The following RNF180 variants were observed in gnomAD, a reference collection of about 807,000 sequenced individuals.
The protein encoded by RNF180 is E3 ubiquitin-protein ligase RNF180.
In RNF180, 38 loss-of-function variants were observed where a neutral mutation model predicts 59.2. The ratio of observed to expected loss-of-function variants is 0.64; its 90% confidence interval spans 0.50 to 0.84. The LOEUF (loss-of-function observed/expected upper bound fraction) is 0.84, where lower values mean the gene tolerates loss of function less well. Among genes scored for constraint, RNF180 ranks in the 40% least tolerant of loss-of-function variants. RNF180 has a pLI of 0.00. For missense variants in RNF180, 705 were observed against 700.9 expected (o/e 1.01, Z -0.07); for synonymous variants, 262 against 240.3 (o/e 1.09, Z -0.84).
intron 5 of RNF180, among the ~76,000 whole-genome samples, chr5:64,273,279 T>C (rs905193622): frequency 1.3e-5 from 2 of 151,944 alleles, no homozygotes; most frequent in Non-Finnish European, 2.9e-5. Flanking sequence ...GGAAAACTCA[T>C]GAATAATCCA....
At chr5:64,364,880 T>C (rs1245797317) in intron 7 of RNF180, among the ~76,000 whole-genome samples, 1 of 151,748 alleles carries the variant, frequency 6.6e-6, no homozygotes, top group Non-Finnish European at 1.5e-5. Context: ...TATTCTCTAA[T>C]GGTTACTTGT....
chr5:64,177,601 T>A (rs1379573787), intron 1 of RNF180, among the ~76,000 whole-genome samples: 3 of 144,568 alleles, frequency 2.1e-5, no homozygotes, highest in Non-Finnish European at 4.5e-5. Context: ...ACATAATACC[T>A]AGAACAGTGG....
intron 5 of RNF180, among the ~76,000 whole-genome samples, chr5:64,321,885 A>G (rs901159175): frequency 3.3e-5 from 5 of 152,202 alleles, no homozygotes; most frequent in African/African-American, 1.2e-4. Flanking sequence ...TCTTCGACAA[A>G]CCTGATAAAA....
chr5:64,354,464 TC>T (rs1472532957), intron 7 of RNF180, among the ~76,000 whole-genome samples: 1 of 151,572 alleles, frequency 6.6e-6, no homozygotes, highest in African/African-American at 2.4e-5. Context: ...ATCACAAACT[TC>T]CCAAGAAAGA....
chr5:64,232,317 T>C (rs1742144883), intron 5 of RNF180, among the ~76,000 whole-genome samples: 3 of 152,216 alleles, frequency 2.0e-5, no homozygotes, highest in Non-Finnish European at 4.4e-5. Flanking sequence ...TGCATCAGAA[T>C]CACTAGGGGA....
chr5:64,239,814 C>G (rs1400033191), intron 5 of RNF180, among the ~76,000 whole-genome samples: 1 of 152,124 alleles, frequency 6.6e-6, no homozygotes, highest in South Asian at 2.1e-4. Flanking sequence ...TTCATTGTTT[C>G]AGGGGAACAG....
chr5:64,368,940 C>T (rs1746551902), intron 7 of RNF180, among the ~76,000 whole-genome samples: 1 of 152,074 alleles, frequency 6.6e-6, no homozygotes, highest in South Asian at 2.1e-4. Flanking sequence ...TACCATTTGA[C>T]CCAGCCATCC....
At chr5:64,364,531 T>G (rs1194540372) in intron 7 of RNF180, among the ~76,000 whole-genome samples, 1 of 151,568 alleles carries the variant, frequency 6.6e-6, no homozygotes, top group Non-Finnish European at 1.5e-5. Context: ...GCCTGAAGTT[T>G]TATTTTTTTG....
At chr5:64,243,459 A>G (rs1453583096) in intron 5 of RNF180, among the ~76,000 whole-genome samples, 3 of 152,180 alleles carry the variant, frequency 2.0e-5, no homozygotes, top group African/African-American at 7.2e-5. Context: ...AATGTAAACA[A>G]AGACGCCTGG....
intron 1 of RNF180, among the ~76,000 whole-genome samples, chr5:64,200,029 A>G (rs1751661337): frequency 6.6e-6 from 1 of 152,192 alleles, no homozygotes; most frequent in Admixed American, 6.5e-5. Flanking sequence ...GGCACTTCCA[A>G]TTTTCACAGA....
At chr5:64,368,572 G>A (rs1746536790) in intron 7 of RNF180, among the ~76,000 whole-genome samples, 1 of 151,690 alleles carries the variant, frequency 6.6e-6, no homozygotes, top group South Asian at 2.1e-4. Context: ...CTGACAAAGG[G>A]CTAATATCCA....
chr5:64,262,022 TC>T (rs962658052), intron 5 of RNF180, among the ~76,000 whole-genome samples: 3 of 152,170 alleles, frequency 2.0e-5, no homozygotes, highest in Admixed American at 2.0e-4. Flanking sequence ...TTATCCCTGT[TC>T]TCAAGAACTT....
At chr5:64,332,791 T>C (rs907185975) in intron 7 of RNF180, among the ~76,000 whole-genome samples, 1 of 152,202 alleles carries the variant, frequency 6.6e-6, no homozygotes, top group Non-Finnish European at 1.5e-5. Context: ...TTATGGGACC[T>C]GGTAGAAAAG....
intron 5 of RNF180, 37 bp downstream of exon 5, chr5:64,217,433 T>G (rs1487609394): frequency 7.3e-6 from 10 of 1,375,356 alleles, no homozygotes; most frequent in Non-Finnish European, 8.5e-6. Flanking sequence ...AATTGTCAAA[T>G]TGTTTTCCAG....
At chr5:64,317,347 G>A (rs941184139) in intron 5 of RNF180, among the ~76,000 whole-genome samples, 7 of 151,994 alleles carry the variant, frequency 4.6e-5, no homozygotes, top group African/African-American at 1.7e-4. Context: ...AAAAATGTAT[G>A]TCTTAGTTTA....
intron 2 of RNF180, among the ~76,000 whole-genome samples, chr5:64,204,500 A>T (rs993533869): frequency 6.6e-6 from 1 of 152,100 alleles, no homozygotes; most frequent in African/African-American, 2.4e-5. Flanking sequence ...TTTCTGCAAA[A>T]TGTCTTTTTT....
chr5:64,226,958 A>T (rs751310199), intron 5 of RNF180, among the ~76,000 whole-genome samples: 28 of 152,204 alleles, frequency 1.8e-4, no homozygotes, highest in Non-Finnish European at 2.5e-4. Flanking sequence ...ACCTTTAGAA[A>T]ACATGATTAA....
At chr5:64,207,346 GA>G (rs2112087568) in intron 2 of RNF180, among the ~76,000 whole-genome samples, 2 of 152,130 alleles carry the variant, frequency 1.3e-5, no homozygotes, top group South Asian at 4.2e-4. Context: ...AGATATGATG[GA>G]TAAGTGAGGA....
At chr5:64,366,529 T>C (rs1221209426) in intron 7 of RNF180, among the ~76,000 whole-genome samples, 2 of 151,614 alleles carry the variant, frequency 1.3e-5, no homozygotes, top group African/African-American at 2.4e-5. Context: ...GATGATCTCC[T>C]GTAATATGTT....
Sources: gnomAD v4.1 joint callset for allele counts (sites outside exome capture counted in the v4.1 genomes callset) on GRCh38, gnomAD v4.1.1 for gene constraint, MANE v1.5 for transcripts, NCBI Gene and HGNC (gene_info 2026-07-23, HGNC 2026-07-21) for gene names.